Variants in TFEC observed in about 807,000 individuals in gnomAD.
TFEC encodes transcription factor EC, also known as class E basic helix-loop-helix protein 34.
A neutral mutation model predicts 41.6 loss-of-function variants in TFEC; 31 were observed. That is an observed-to-expected ratio of 0.74 (90% CI 0.56 to 1.01). The LOEUF (loss-of-function observed/expected upper bound fraction) is 1.01. TFEC is among the 50% of genes least tolerant of loss of function. The probability of loss-of-function intolerance (pLI) is 0.00; values close to 1 mark genes in which losing one functional copy is unlikely to be tolerated. For missense variants in TFEC, 402 were observed against 404.1 expected (o/e 0.99, Z 0.04); for synonymous variants, 143 against 140.6 (o/e 1.02, Z -0.12).
chr7:116,048,275 G>T (rs1451363460), intron 3 of TFEC, among the ~76,000 whole-genome samples: 1 of 152,234 alleles, frequency 6.6e-6, no homozygotes, highest in Non-Finnish European at 1.5e-5. Context: ...CCAGTGTAGA[G>T]AAGTCCTTAA....
At chr7:116,031,951 T>C (rs1027247606), upstream of TFEC, among the ~76,000 whole-genome samples, 1 of 152,116 alleles carries the variant, frequency 6.6e-6, no homozygotes, top group African/African-American at 2.4e-5. Flanking sequence ...ATTAGAAACA[T>C]TGTGAGAAAA....
intron 3 of TFEC, among the ~76,000 whole-genome samples, chr7:116,102,890 G>A (rs528023986): frequency 3.3e-5 from 5 of 152,258 alleles, no homozygotes; most frequent in South Asian, 2.1e-4. Flanking sequence ...TACATTTATC[G>A]AAGCAGTGTT....
At chr7:115,973,661 A>G (rs1302393803) in intron 3 of TFEC, among the ~76,000 whole-genome samples, 1 of 152,050 alleles carries the variant, frequency 6.6e-6, no homozygotes, top group Non-Finnish European at 1.5e-5. Context: ...CATACTTTAA[A>G]GGAGGGTGAG....
chr7:115,942,090 T>A, intron 6 of TFEC, 50 bp from the exon 7 acceptor site: 1 of 1,516,924 alleles, frequency 6.6e-7, no homozygotes, highest in Non-Finnish European at 8.8e-7. Context: ...TCAGCAGAAT[T>A]CATAAGAACT....
At chr7:116,126,069 A>G (rs1211450755) in intron 1 of TFEC, among the ~76,000 whole-genome samples, 1 of 152,140 alleles carries the variant, frequency 6.6e-6, no homozygotes, top group Non-Finnish European at 1.5e-5. Flanking sequence ...GGTCCTCTTC[A>G]AATATGATAG....
chr7:115,974,531 A>G (rs1793296769), intron 2 of TFEC, among the ~76,000 whole-genome samples: 1 of 146,678 alleles, frequency 6.8e-6, no homozygotes, highest in South Asian at 2.2e-4. Flanking sequence ...ATTTGTGTCC[A>G]AAGGCTGACA....
intron 3 of TFEC, among the ~76,000 whole-genome samples, chr7:116,092,475 T>C (rs1797351326): frequency 6.6e-6 from 1 of 152,164 alleles, no homozygotes; most frequent in Non-Finnish European, 1.5e-5. Context: ...TGAGGCAAAA[T>C]AAGTATAATC....
At chr7:116,098,913 A>AGGAAGGAAGGAG (rs1424619756) in intron 3 of TFEC, among the ~76,000 whole-genome samples, 4 of 149,350 alleles carry the variant, frequency 2.7e-5, no homozygotes, top group African/African-American at 1.0e-4. Flanking sequence ...GAAGGAAGGA[A>AGGAAGGAAGGAG]GGAAGGAAGG....
chr7:116,101,925 T>A (rs965766463), intron 3 of TFEC, among the ~76,000 whole-genome samples: 3 of 152,178 alleles, frequency 2.0e-5, no homozygotes, highest in Non-Finnish European at 1.5e-5. Context: ...CAAAGATGAC[T>A]CTTACAGAAA....
chr7:115,971,390 T>C (rs1793127104), intron 3 of TFEC, among the ~76,000 whole-genome samples: 1 of 151,950 alleles, frequency 6.6e-6, no homozygotes. Flanking sequence ...AAACCTTACA[T>C]ATCCATAGGC....
intron 1 of TFEC, among the ~76,000 whole-genome samples, chr7:116,000,052 T>C (rs1364505730): frequency 6.6e-6 from 1 of 152,004 alleles, no homozygotes; most frequent in African/African-American, 2.4e-5. Context: ...CCAATGAACA[T>C]TGATGCAAAA....
intron 1 of TFEC, among the ~76,000 whole-genome samples, chr7:116,150,344 A>G (rs537929104): frequency 6.6e-6 from 1 of 152,282 alleles, no homozygotes; most frequent in East Asian, 1.9e-4. Flanking sequence ...AATGACATGC[A>G]TGAATTATTT....
At chr7:115,994,770 A>ATG (rs1794286049) in intron 1 of TFEC, among the ~76,000 whole-genome samples, 1 of 152,222 alleles carries the variant, frequency 6.6e-6, no homozygotes, top group Non-Finnish European at 1.5e-5. Context: ...TAGTTCAACC[A>ATG]TTGTGGAAGA....
chr7:115,974,721 A>G lies in TFEC; in HGVS notation c.181-465T>C, dbSNP rs547918295. 5.3e-5 allele frequency among the ~76,000 whole-genome samples: 8 copies of G among 151,762 alleles called. No homozygotes were observed. In the South Asian group the frequency reaches 1.2e-3, roughly 24 times the overall value. On this transcript the variant is annotated intron_variant, in intron 2 of 7. Transcript: ENST00000265440. ...TGTTCTGATTGCATCTTACATGTGG[A>G]TATCTAAATATTCATGGTTAAATAT...
chr7:116,045,920 T>A (rs1796152715), intron 3 of TFEC, among the ~76,000 whole-genome samples: 1 of 152,100 alleles, frequency 6.6e-6, no homozygotes, highest in South Asian at 2.1e-4. Context: ...TCAAAGGAGA[T>A]TATTTTGGAA....
intron 3 of TFEC, chr7:115,968,113 A>T: frequency 1.4e-6 from 2 of 1,414,680 alleles, no homozygotes; most frequent in Non-Finnish European, 1.9e-6. Context: ...ATAAGTTTAT[A>T]AAGTTTAAAT....
chr7:115,940,541 T>G lies in TFEC; in HGVS notation c.*10A>C, dbSNP rs1793433722. On this transcript the variant is annotated 3_prime_UTR_variant, in exon 8 of 8. Transcript: ENST00000265440. ...TGCTTTCCAGTTGATGAATTGGGTC[T>G]GTTTATTTCTTATAATTCATCACCA... is the stretch of plus-strand genomic sequence containing the variant. 1 of 1,591,382 alleles carries G rather than the reference T, an allele frequency of 6.3e-7. No individual in the cohort carries two copies. Among genetic ancestry groups the G allele is most frequent in the African/African-American group, 1.3e-5 (1 of 74,242 alleles).
chr7:116,049,488 T>G (rs1289962158), intron 3 of TFEC, among the ~76,000 whole-genome samples: 1 of 152,146 alleles, frequency 6.6e-6, no homozygotes, highest in East Asian at 1.9e-4. Flanking sequence ...AGCAAGTCCT[T>G]AGAGACCTAC....
intron 3 of TFEC, among the ~76,000 whole-genome samples, chr7:116,102,356 TG>T (rs779314560): frequency 6.6e-5 from 10 of 152,230 alleles, no homozygotes; most frequent in Middle Eastern, 3.4e-3. Flanking sequence ...TGTGTTTGTT[TG>T]GAAAAAGGGT....
Sources: gnomAD v4.1 joint callset for allele counts (sites outside exome capture counted in the v4.1 genomes callset) on GRCh38, gnomAD v4.1.1 for gene constraint, MANE v1.5 for transcripts, NCBI Gene and HGNC (gene_info 2026-07-23, HGNC 2026-07-21) for gene names.